RAB38: variants seen among roughly 807,000 people sequenced by gnomAD.
RAB38 encodes RAB38, member RAS oncogene family.
Under a neutral mutation model 18.4 loss-of-function variants are expected in RAB38, and 15 were observed. The ratio of observed to expected loss-of-function variants is 0.82; its 90% CI spans 0.55 to 1.26. RAB38 has a LOEUF of 1.26. Ranked by LOEUF, RAB38 falls within the 50% of genes most tolerant of loss-of-function variation. The pLI is 0.00. For synonymous variants in RAB38, 101 were observed against 104.4 expected, an observed-to-expected ratio of 0.97 and a Z score of 0.20; for missense variants, 294 against 267.4, an observed-to-expected ratio of 1.10 and a Z score of -0.69.
At chr11:88,016,675 G>T in the RAB38 span, among the ~76,000 whole-genome samples, 1 of 151,982 alleles carries the variant, frequency 6.6e-6, no homozygotes, top group Admixed American at 6.6e-5. Context: ...TGCCCCATCA[G>T]CTATTTCCTG....
At chr11:88,039,355 CT>C in the RAB38 span, among the ~76,000 whole-genome samples, 1 of 151,590 alleles carries the variant, frequency 6.6e-6, no homozygotes, top group East Asian at 1.9e-4. Flanking sequence ...ACTTCAGCTA[CT>C]TTTTTTTTAT....
At chr11:88,007,369 T>C in the RAB38 span, among the ~76,000 whole-genome samples, 1 of 136,708 alleles carries the variant, frequency 7.3e-6, no homozygotes, top group African/African-American at 2.7e-5. Flanking sequence ...TACATATACT[T>C]ATATTTGAAA....
At chr11:87,818,602 G>A in the RAB38 span, among the ~76,000 whole-genome samples, 2 of 151,970 alleles carry the variant, frequency 1.3e-5, no homozygotes, top group Admixed American at 6.6e-5. Flanking sequence ...TTTTAATTGT[G>A]GCAATAAAAT....
At chr11:88,175,126 G>C in intron 1 of RAB38, 57 bp downstream of exon 1, 2 of 1,487,818 alleles carry the variant, frequency 1.3e-6, no homozygotes, top group Non-Finnish European at 1.8e-6. Context: ...GCTGCCTCGA[G>C]ACTGGAAACC....
intron 2 of RAB38, among the ~76,000 whole-genome samples, chr11:88,149,020 A>T (rs1453796279): frequency 6.6e-6 from 1 of 152,168 alleles, no homozygotes; most frequent in African/African-American, 2.4e-5. Context: ...AGATGGCAAC[A>T]TGAGGGAACA....
chr11:87,826,807 G>T, the RAB38 span, among the ~76,000 whole-genome samples: 1 of 152,092 alleles, frequency 6.6e-6, no homozygotes, highest in Non-Finnish European at 1.5e-5. Context: ...GTGGGTGTTG[G>T]TCTAGAACAC....
chr11:88,129,777 T>C (rs1942745064), intron 2 of RAB38, among the ~76,000 whole-genome samples: 1 of 152,192 alleles, frequency 6.6e-6, no homozygotes, highest in Non-Finnish European at 1.5e-5. Context: ...TACACACATA[T>C]TTCTTATTGA....
intron 2 of RAB38, among the ~76,000 whole-genome samples, chr11:88,134,007 C>T (rs1942799788): frequency 6.6e-6 from 1 of 152,162 alleles, no homozygotes; most frequent in Non-Finnish European, 1.5e-5. Flanking sequence ...CCAAGGTAAT[C>T]TCATTCCAAA....
chr11:87,872,929 C>T, the RAB38 span, among the ~76,000 whole-genome samples: 2 of 151,562 alleles, frequency 1.3e-5, no homozygotes, highest in East Asian at 1.9e-4. Context: ...TTATGTGTGA[C>T]TTGTGTATGG....
At chr11:87,948,328 A>C in the RAB38 span, among the ~76,000 whole-genome samples, 29 of 152,220 alleles carry the variant, frequency 1.9e-4, no homozygotes, top group African/African-American at 7.0e-4. Context: ...ATATACAACC[A>C]TGTCATCTGC....
chr11:88,132,315 C>T (rs954072534), intron 2 of RAB38, among the ~76,000 whole-genome samples: 16 of 152,152 alleles, frequency 1.1e-4, no homozygotes, highest in African/African-American at 3.1e-4. Flanking sequence ...CCATTTATGA[C>T]GTCCTTGAAC....
At chr11:87,806,968 G>A in the RAB38 span, among the ~76,000 whole-genome samples, 1 of 152,168 alleles carries the variant, frequency 6.6e-6, no homozygotes, top group African/African-American at 2.4e-5. Context: ...TAGGAACCAG[G>A]CTGCACACCA....
the RAB38 span, among the ~76,000 whole-genome samples, chr11:88,030,887 C>T: frequency 6.6e-6 from 1 of 151,792 alleles, no homozygotes; most frequent in African/African-American, 2.4e-5. Context: ...ATGAGGCCAG[C>T]ATCATCCTGA....
At chr11:87,881,554 A>G in the RAB38 span, among the ~76,000 whole-genome samples, 3 of 151,806 alleles carry the variant, frequency 2.0e-5, no homozygotes, top group Non-Finnish European at 4.4e-5. Context: ...TCAGTGTTTC[A>G]TTATTATAAA....
chr11:88,053,161 C>T, the RAB38 span, among the ~76,000 whole-genome samples: 19 of 67,970 alleles, frequency 2.8e-4, no homozygotes, highest in South Asian at 1.5e-3. Context: ...TATATATATA[C>T]ACACATATAT....
At chr11:87,856,480 T>C in the RAB38 span, among the ~76,000 whole-genome samples, 10 of 152,176 alleles carry the variant, frequency 6.6e-5, no homozygotes, top group African/African-American at 2.2e-4. Context: ...ATCTGTTCCT[T>C]ATTGCAGCAA....
chr11:88,038,312 C>T, the RAB38 span, among the ~76,000 whole-genome samples: 528 of 152,228 alleles, frequency 3.5e-3, 2 homozygotes, highest in African/African-American at 0.012. Context: ...ATTTCAGAAC[C>T]CAAGCTCAGA....
chr11:87,856,551 C>T, the RAB38 span, among the ~76,000 whole-genome samples: 1 of 152,124 alleles, frequency 6.6e-6, no homozygotes, highest in African/African-American at 2.4e-5. Flanking sequence ...ACATAACAAA[C>T]ACCAACAGTT....
the RAB38 span, among the ~76,000 whole-genome samples, chr11:88,050,832 T>C: frequency 1.3e-5 from 2 of 152,142 alleles, no homozygotes; most frequent in South Asian, 2.1e-4. Flanking sequence ...TGAAATATAA[T>C]TAGTAACAGG....
Sources: gnomAD v4.1 joint callset for allele counts (sites outside exome capture counted in the v4.1 genomes callset) on GRCh38, gnomAD v4.1.1 for gene constraint, MANE v1.5 for transcripts, NCBI Gene and HGNC (gene_info 2026-07-23, HGNC 2026-07-21) for gene names.